Variants in ADAMTSL1 observed in about 807,000 individuals in gnomAD.
ADAMTSL1 encodes ADAMTS-like protein 1.
In ADAMTSL1, 126 loss-of-function variants were observed where a neutral mutation model predicts 201.8. That is an observed-to-expected ratio of 0.62 (90% confidence interval 0.54 to 0.72). The LOEUF is 0.72. Ranked by LOEUF, ADAMTSL1 falls within the 30% of genes least tolerant of loss-of-function variation. ADAMTSL1 has a pLI of 0.00. For missense variants in ADAMTSL1, 2,679 were observed against 2,277.8 expected, an observed-to-expected ratio of 1.18 and a Z score of -3.59; for synonymous variants, 1,121 against 903.4, an observed-to-expected ratio of 1.24 and a Z score of -4.32.
intron 1 of ADAMTSL1, among the ~76,000 whole-genome samples, chr9:17,919,900 G>A (rs1009897136): frequency 1.3e-5 from 2 of 152,090 alleles, no homozygotes; most frequent in Non-Finnish European, 2.9e-5. Flanking sequence ...CTGCCAGAGT[G>A]TTTTCCAAAC....
At chr9:18,738,866 T>C (rs1818664245) in intron 15 of ADAMTSL1, among the ~76,000 whole-genome samples, 1 of 152,212 alleles carries the variant, frequency 6.6e-6, no homozygotes, top group Non-Finnish European at 1.5e-5. Flanking sequence ...CTCTCTTGTG[T>C]ATGAGAAATA....
At chr9:18,160,640 G>A (rs1827344515) in intron 1 of ADAMTSL1, among the ~76,000 whole-genome samples, 1 of 151,216 alleles carries the variant, frequency 6.6e-6, no homozygotes, top group African/African-American at 2.4e-5. Context: ...TCTGAGCATG[G>A]GAAATACAAT....
chr9:18,636,334 C>CT (rs988484415), intron 6 of ADAMTSL1, among the ~76,000 whole-genome samples: 10 of 152,114 alleles, frequency 6.6e-5, no homozygotes, highest in African/African-American at 2.2e-4. Flanking sequence ...CAATCTCAAT[C>CT]TTTTTTTGCC....
intron 1 of ADAMTSL1, among the ~76,000 whole-genome samples, chr9:18,489,938 G>T (rs1392432210): frequency 6.6e-6 from 1 of 152,162 alleles, no homozygotes; most frequent in Non-Finnish European, 1.5e-5. Context: ...AACCTTCAGT[G>T]CCTCATAGTA....
At chr9:17,941,976 C>T (rs961525960) in intron 1 of ADAMTSL1, among the ~76,000 whole-genome samples, 3 of 152,080 alleles carry the variant, frequency 2.0e-5, no homozygotes, top group Admixed American at 6.6e-5. Flanking sequence ...GGCCCCACCT[C>T]CTACTACCGT....
chr9:18,404,830 T>C (rs1229313252), intron 2 of ADAMTSL1, among the ~76,000 whole-genome samples: 1 of 152,208 alleles, frequency 6.6e-6, no homozygotes, highest in Non-Finnish European at 1.5e-5. Context: ...CTTGGCTCCC[T>C]GGAATGGAAA....
chr9:18,042,095 G>GAA (rs76542418), intron 1 of ADAMTSL1, among the ~76,000 whole-genome samples: 7 of 124,456 alleles, frequency 5.6e-5, no homozygotes, highest in Admixed American at 1.7e-4. Flanking sequence ...TAATTGCTGG[G>GAA]AAAAAAAAAA....
At chr9:18,447,428 A>C (rs1820234341) in intron 2 of ADAMTSL1, among the ~76,000 whole-genome samples, 1 of 152,162 alleles carries the variant, frequency 6.6e-6, no homozygotes. Context: ...GTCATTACTC[A>C]TTGAAATAAT....
intron 1 of ADAMTSL1, among the ~76,000 whole-genome samples, chr9:18,000,085 A>C: frequency 6.7e-6 from 1 of 150,338 alleles, no homozygotes; most frequent in Non-Finnish European, 1.5e-5. Context: ...GTGTCTTTAT[A>C]GCAGCATGAT....
intron 1 of ADAMTSL1, among the ~76,000 whole-genome samples, chr9:18,119,675 C>A (rs569784041): frequency 2.6e-4 from 39 of 152,174 alleles, no homozygotes; most frequent in African/African-American, 9.4e-4. Context: ...AAATCATTAT[C>A]CTGTTTCTGC....
At chr9:18,015,413 C>A (rs1456395014) in intron 1 of ADAMTSL1, among the ~76,000 whole-genome samples, 3 of 152,072 alleles carry the variant, frequency 2.0e-5, no homozygotes, top group African/African-American at 7.2e-5. Flanking sequence ...CCCTTTCTTC[C>A]TATTCCTGCC....
chr9:18,181,880 G>A (rs200281398), intron 2 of ADAMTSL1, among the ~76,000 whole-genome samples: 21 of 152,026 alleles, frequency 1.4e-4, no homozygotes, highest in African/African-American at 3.9e-4. Flanking sequence ...AAGACTTGGA[G>A]CCAACCCAAA....
intron 23 of ADAMTSL1, among the ~76,000 whole-genome samples, chr9:18,884,729 G>A (rs1486507291): frequency 1.1e-4 from 16 of 151,984 alleles, no homozygotes; most frequent in Admixed American, 1.0e-3. Flanking sequence ...TCTGTTTCCG[G>A]TCTCTATTCT....
chr9:18,397,558 A>G (rs999968038), intron 2 of ADAMTSL1, among the ~76,000 whole-genome samples: 1 of 152,152 alleles, frequency 6.6e-6, no homozygotes, highest in Non-Finnish European at 1.5e-5. Flanking sequence ...ATTTCTCAAC[A>G]TCGGTACTGG....
intron 16 of ADAMTSL1, among the ~76,000 whole-genome samples, chr9:18,758,031 TTGCATG>T (rs1819870958): frequency 6.6e-6 from 1 of 152,214 alleles, no homozygotes; most frequent in East Asian, 1.9e-4. Context: ...TATCCCCATT[TTGCATG>T]TGAGGAACCT....
intron 2 of ADAMTSL1, among the ~76,000 whole-genome samples, chr9:18,344,173 C>G (rs1480753827): frequency 3.3e-5 from 5 of 152,126 alleles, no homozygotes; most frequent in Non-Finnish European, 7.4e-5. Flanking sequence ...CACCCGAATA[C>G]TGAAGTTCTT....
intron 4 of ADAMTSL1, among the ~76,000 whole-genome samples, chr9:18,620,744 G>A (rs750205519): frequency 1.6e-4 from 25 of 152,208 alleles, no homozygotes; most frequent in Admixed American, 5.9e-4. Flanking sequence ...GATAGAGCCC[G>A]TCTGCCTTTG....
chr9:18,054,885 G>T (rs529132441), intron 1 of ADAMTSL1, among the ~76,000 whole-genome samples: 5 of 152,092 alleles, frequency 3.3e-5, no homozygotes, highest in African/African-American at 9.7e-5. Flanking sequence ...CCCTGCCCCC[G>T]CAATCTTTTT....
chr9:18,903,228 T>C (rs1040404354), intron 26 of ADAMTSL1, among the ~76,000 whole-genome samples: 1 of 152,024 alleles, frequency 6.6e-6, no homozygotes, highest in African/African-American at 2.4e-5. Context: ...AGAAACCAAG[T>C]ATTAATCAAA....
Sources: gnomAD v4.1 joint callset for allele counts (sites outside exome capture counted in the v4.1 genomes callset) on GRCh38, gnomAD v4.1.1 for gene constraint, MANE v1.5 for transcripts, NCBI Gene and HGNC (gene_info 2026-07-23, HGNC 2026-07-21) for gene names.